Variants in GRB10 observed in about 807,000 individuals in gnomAD.
GRB10 encodes growth factor receptor-bound protein 10.
GRB10 carries 20 observed loss-of-function variants against 80.9 expected under a neutral mutation model. The observed-to-expected ratio is 0.25, with a 90% CI of 0.17 to 0.36. GRB10 has a LOEUF of 0.36. GRB10 is among the 10% of genes least tolerant of loss of function. The pLI is 1.00. For synonymous variants in GRB10, 291 were observed against 291.5 expected, an observed-to-expected ratio of 1.00 and a Z score of 0.02; for missense variants, 548 against 747.7, an observed-to-expected ratio of 0.73 and a Z score of 3.12.
In GRB10 at chr7:50,593,097, C is replaced by T; in HGVS notation, c.1640G>A (p.Cys547Tyr). The change falls in exon 19 of 19, where the codon TGC becomes TAC. Residue 547 changes from cysteine to tyrosine, a missense_variant and splice_region_variant. Around this residue, in one of 4 missense-constraint regions of GRB10, gnomAD observed 32 missense variants for 66.0 expected, o/e 0.48. Coordinates refer to ENST00000401949, the MANE Select transcript of GRB10 (RefSeq NM_001350814.2). ...QKIKNFQILPCEDDGQTFFSL... is the reference protein window; with the variant it reads ...QKIKNFQILPYEDDGQTFFSL... Reference sequence around the variant, plus strand: ...GAAGAACGTCTGCCCGTCGTCCTCGCACTGGAGAGACACAAGAACACTTGC... The same window carrying T: ...GAAGAACGTCTGCCCGTCGTCCTCGTACTGGAGAGACACAAGAACACTTGC... The T allele has an allele frequency of 1.2e-6, 2 of 1,614,166 alleles. No individual in the cohort carries two copies. The highest frequency in any genetic ancestry group is 1.7e-6 in the Non-Finnish European group (2 of 1,180,050).
intron 2 of GRB10, chr7:50,779,491 G>A (rs1426964370): frequency 2.0e-5 from 3 of 152,052 alleles, no homozygotes; most frequent in Non-Finnish European, 4.4e-5. Flanking sequence ...AGTCAACACA[G>A]GCCATCCCTC....
intron 5 of GRB10, among the ~76,000 whole-genome samples, chr7:50,678,665 A>G (rs2153645953): frequency 6.6e-6 from 1 of 152,162 alleles, no homozygotes; most frequent in South Asian, 2.1e-4. Flanking sequence ...CATATTCTAC[A>G]CCATTTTTTT....
At chr7:50,657,690 C>A (rs1285822026) in intron 7 of GRB10, among the ~76,000 whole-genome samples, 2 of 152,170 alleles carry the variant, frequency 1.3e-5, no homozygotes, top group Non-Finnish European at 2.9e-5. Flanking sequence ...GCATTTGGTT[C>A]TCTCAGGGAC....
intron 13 of GRB10, 36 bp from the exon 14 acceptor site, chr7:50,606,450 G>C (rs781073436): frequency 8.6e-6 from 13 of 1,509,544 alleles, no homozygotes. Flanking sequence ...CACCGGCCCG[G>C]GAGCCCCGAG....
chr7:50,724,730 G>A (rs1429873174), intron 4 of GRB10, among the ~76,000 whole-genome samples: 1 of 152,178 alleles, frequency 6.6e-6, no homozygotes, highest in Non-Finnish European at 1.5e-5. Flanking sequence ...GGGGCTGGCT[G>A]GGTAATGACA....
At chr7:50,622,108 A>G (rs2051878463) in intron 8 of GRB10, among the ~76,000 whole-genome samples, 1 of 152,230 alleles carries the variant, frequency 6.6e-6, no homozygotes, top group African/African-American at 2.4e-5. Flanking sequence ...GAGAGAAAAG[A>G]GCTGTCAGCA....
intron 4 of GRB10, 39 bp downstream of exon 4, chr7:50,732,233 A>G: frequency 1.2e-6 from 2 of 1,603,062 alleles, no homozygotes; most frequent in Non-Finnish European, 1.7e-6. Context: ...CTCGACCAGC[A>G]CCATCGGGCC....
chr7:50,697,188 G>A (rs1057080253), intron 5 of GRB10, among the ~76,000 whole-genome samples: 1 of 152,136 alleles, frequency 6.6e-6, no homozygotes, highest in African/African-American at 2.4e-5. Flanking sequence ...TTCTGTTTGG[G>A]GTGATAAGAG....
intron 6 of GRB10, among the ~76,000 whole-genome samples, chr7:50,673,422 C>A (rs1334785078): frequency 6.6e-6 from 1 of 152,148 alleles, no homozygotes; most frequent in Non-Finnish European, 1.5e-5. Flanking sequence ...GCACCTTCAC[C>A]TTCGACATGA....
intron 3 of GRB10, among the ~76,000 whole-genome samples, chr7:50,746,793 C>G (rs556723311): frequency 6.1e-4 from 93 of 152,258 alleles, no homozygotes; most frequent in Middle Eastern, 3.4e-3. Context: ...CTCTGCCCCC[C>G]GGGCCTCCAG....
At chr7:50,763,516 T>A (rs2076003133) in intron 2 of GRB10, among the ~76,000 whole-genome samples, 1 of 152,104 alleles carries the variant, frequency 6.6e-6, no homozygotes, top group Non-Finnish European at 1.5e-5. Flanking sequence ...GAATAGCTTA[T>A]CCTACAGAAA....
At chr7:50,653,729 C>T (rs1445782435) in intron 7 of GRB10, among the ~76,000 whole-genome samples, 1 of 152,196 alleles carries the variant, frequency 6.6e-6, no homozygotes, top group Admixed American at 6.5e-5. Context: ...AGTTTTCCTT[C>T]CACACGCTTC....
chr7:50,690,502 G>T (rs1408773361), intron 5 of GRB10, among the ~76,000 whole-genome samples: 1 of 152,098 alleles, frequency 6.6e-6, no homozygotes, highest in Non-Finnish European at 1.5e-5. Context: ...TTTCTAAGTT[G>T]TACTCTGCTA....
At chr7:50,640,172 A>G (rs1458255613) in intron 7 of GRB10, among the ~76,000 whole-genome samples, 1 of 152,188 alleles carries the variant, frequency 6.6e-6, no homozygotes, top group African/African-American at 2.4e-5. Context: ...TCCAGAAGGG[A>G]CACAGTTAGC....
chr7:50,596,007 C>A (rs537652545), intron 17 of GRB10, among the ~76,000 whole-genome samples: 1 of 151,938 alleles, frequency 6.6e-6, no homozygotes, highest in African/African-American at 2.4e-5. Context: ...TAAATTAATA[C>A]GGGAGAAGAT....
intron 7 of GRB10, among the ~76,000 whole-genome samples, chr7:50,652,761 T>C (rs1388151338): frequency 6.6e-6 from 1 of 152,212 alleles, no homozygotes; most frequent in East Asian, 1.9e-4. Context: ...GGCAGATTTT[T>C]CTATCAAAAT....
At chr7:50,643,486 A>T (rs1237447621) in intron 7 of GRB10, among the ~76,000 whole-genome samples, 1 of 152,252 alleles carries the variant, frequency 6.6e-6, no homozygotes, top group African/African-American at 2.4e-5. Context: ...ATTAAAGGAA[A>T]CTAGAGATCT....
At chr7:50,621,539 T>C (rs2237439) in intron 8 of GRB10, among the ~76,000 whole-genome samples, 12,631 of 152,276 alleles carry the variant, frequency 0.083, 795 homozygotes, top group South Asian at 0.13. Context: ...CGGATGCAGC[T>C]GAGTGCCCCT....
At chr7:50,608,505 G>C (rs2048923945) in intron 13 of GRB10, among the ~76,000 whole-genome samples, 1 of 152,178 alleles carries the variant, frequency 6.6e-6, no homozygotes. Flanking sequence ...AAAGATGTAG[G>C]TGATTAAAGA....
Sources: allele counts gnomAD v4.1 joint callset (sites outside exome capture counted in the v4.1 genomes callset), GRCh38; gene constraint gnomAD v4.1.1; regional missense constraint gnomAD v4.1.1; transcripts MANE v1.5; gene names NCBI Gene and HGNC (gene_info 2026-07-23, HGNC 2026-07-21).